Variants in PHIP observed in about 807,000 individuals in gnomAD.
The protein encoded by PHIP is PH-interacting protein.
PHIP carries 54 observed loss-of-function variants against 236.8 expected under a neutral mutation model. That is an observed-to-expected ratio of 0.23 (90% CI 0.18 to 0.29). The LOEUF (loss-of-function observed/expected upper bound fraction) is 0.29, where lower values mean the gene tolerates loss of function less well. Ranked by LOEUF, PHIP falls within the 10% of genes least tolerant of loss-of-function variation. The pLI, the probability that PHIP is intolerant of heterozygous loss-of-function variation, is 1.00. For missense variants in PHIP, 1,370 were observed against 2,190.8 expected (o/e 0.63, Z 7.48); for synonymous variants, 756 against 718.9 (o/e 1.05, Z -0.83).
At chr6:78,948,627 G>A (rs543741992) in intron 35 of PHIP, among the ~76,000 whole-genome samples, 10 of 151,882 alleles carry the variant, frequency 6.6e-5, no homozygotes, top group East Asian at 1.9e-4. Context: ...CTCAAGTAGC[G>A]GGGACTACAG....
intron 14 of PHIP, 44 bp from the exon 15 acceptor site, chr6:79,015,260 A>G (rs2127740607): frequency 1.4e-6 from 2 of 1,477,850 alleles, no homozygotes; most frequent in Non-Finnish European, 1.9e-6. Flanking sequence ...ATATTAAAAA[A>G]GAAAGAAAAA....
In PHIP at chr6:79,015,659, A is replaced by G. The variant is rs762450258; in HGVS notation, c.1360T>C (p.Tyr454His). Residue 454 changes from tyrosine (Y) to histidine (H), a missense_variant, in exon 14 of 40, where the codon TAC (tyrosine) becomes CAC (histidine). This residue lies in a region of PHIP where 188 missense variants were observed against 354.3 expected (regional missense o/e 0.53). Transcript: ENST00000275034. ...NNMTLKVWNS[Y>H]TGQLIHVLMG... ...AGGACATGAATTAGTTGACCAGTGT[A>G]AGAATTCCAAACTTTCAGAGTCATG... 6.2e-7 allele frequency: 1 copy of G among 1,608,394 alleles called. No individual in the cohort carries two copies. Among genetic ancestry groups the G allele is most frequent in the Non-Finnish European group, 8.5e-7 (1 of 1,176,306 alleles).
chr6:79,053,812 T>C (rs1045957205), intron 6 of PHIP, among the ~76,000 whole-genome samples: 2 of 152,196 alleles, frequency 1.3e-5, no homozygotes, highest in African/African-American at 4.8e-5. Context: ...GGAAAATGGC[T>C]AGTGATTCCT....
intron 35 of PHIP, among the ~76,000 whole-genome samples, chr6:78,948,644 G>A (rs375398611): frequency 5.9e-5 from 9 of 152,098 alleles, no homozygotes; most frequent in Non-Finnish European, 5.9e-5. Flanking sequence ...ACAGGCAGGC[G>A]CTACCACACC....
intron 15 of PHIP, among the ~76,000 whole-genome samples, chr6:79,012,684 C>T (rs1435471572): frequency 6.6e-6 from 1 of 151,472 alleles, no homozygotes; most frequent in Non-Finnish European, 1.5e-5. Context: ...TAATTATAGC[C>T]AAAACTCAAC....
rs1773448434 is a variant in PHIP at position 78,940,566 on chromosome 6, T to TTTTC, written c.*126_*127insGAAA. 5.1e-6 allele frequency: 1 copy of TTTTC among 196,064 alleles called. No individual in the cohort carries two copies. Among genetic ancestry groups the TTTTC allele is most frequent in the Non-Finnish European group, 1.0e-5 (1 of 99,822 alleles). The allele number at this position is 196,064 out of a possible 1,614,324, so 12.1% of individuals were successfully genotyped here. A position where few individuals can be genotyped will look rare whatever the true frequency, so the allele number is the denominator to read the frequency against. Reference sequence around the variant, plus strand: ...TAAGTTTGTTTTTTTTTTTTTTTTTTTTTTTGCAAATCAAATCATAACATT... The same window carrying TTTTC: ...TAAGTTTGTTTTTTTTTTTTTTTTTTTTTCTTTTTGCAAATCAAATCATAACATT... On this transcript the variant is annotated 3_prime_UTR_variant, in exon 40 of 40. Transcript: ENST00000275034.
chr6:79,049,656 T>C (rs1772686882), intron 6 of PHIP, among the ~76,000 whole-genome samples: 1 of 152,152 alleles, frequency 6.6e-6, no homozygotes, highest in South Asian at 2.1e-4. Flanking sequence ...AACTTAAGAG[T>C]ACATGAAAAC....
At chr6:79,060,343 AT>A (rs1486305351) in intron 6 of PHIP, 134 bp downstream of exon 6, 2 of 558,186 alleles carry the variant, frequency 3.6e-6, no homozygotes, top group East Asian at 5.9e-5. Context: ...AAGAAAAAAA[AT>A]CTATTTTTTT....
At chr6:78,953,577 T>C (rs1459683858) in intron 35 of PHIP, among the ~76,000 whole-genome samples, 1 of 152,086 alleles carries the variant, frequency 6.6e-6, no homozygotes, top group Non-Finnish European at 1.5e-5. Flanking sequence ...AAAGGTGAGG[T>C]TCTAATTAGC....
chr6:79,016,010 T>A (rs1287302851), intron 13 of PHIP, among the ~76,000 whole-genome samples: 1 of 151,886 alleles, frequency 6.6e-6, no homozygotes, highest in Non-Finnish European at 1.5e-5. Flanking sequence ...TAAGATGATC[T>A]TGCATAAATA....
At chr6:78,955,180 A>T in intron 34 of PHIP, 52 bp downstream of exon 34, 2 of 1,239,126 alleles carry the variant, frequency 1.6e-6, no homozygotes, top group South Asian at 1.3e-5. Context: ...GAAAGCTCTT[A>T]ATACATTTTA....
chr6:79,012,207 A>G (rs1395493707), intron 15 of PHIP, among the ~76,000 whole-genome samples: 1 of 151,710 alleles, frequency 6.6e-6, no homozygotes, highest in Non-Finnish European at 1.5e-5. Context: ...TTTCCAATGG[A>G]AAATTCAATT....
chr6:78,964,893 G>A (rs1767033036), intron 29 of PHIP, among the ~76,000 whole-genome samples: 3 of 152,020 alleles, frequency 2.0e-5, no homozygotes, highest in South Asian at 2.1e-4. Flanking sequence ...TTAAAATCTC[G>A]ACAATATCCT....
At chr6:79,026,693 T>C (rs1345057354) in intron 7 of PHIP, among the ~76,000 whole-genome samples, 1 of 152,008 alleles carries the variant, frequency 6.6e-6, no homozygotes, top group Non-Finnish European at 1.5e-5. Context: ...TAAAAATACA[T>C]AATTACTTGT....
chr6:78,969,898 C>T lies in PHIP; in HGVS notation c.3142G>A (p.Val1048Ile). ...TGTCTCAAGACTAGGAAATCTATAA[C>T]GTCAGGCATATCATGGTATCTAATT... ...FTMKYHDMPD[V>I]IDFLVLRQQF... is the part of the protein sequence containing the mutation. The change falls in exon 27 of 40, where the codon GTT (valine) becomes ATT (isoleucine). Residue 1048 changes from valine to isoleucine, a missense_variant. Val to Ile is a conservative substitution (Grantham distance 29, BLOSUM62 3). This residue lies in a region of PHIP where 238 missense variants were observed against 398.5 expected (regional missense o/e 0.60). Coordinates refer to ENST00000275034, the MANE Select transcript of PHIP (RefSeq NM_017934.7). The T allele has an allele frequency of 6.2e-7, 1 of 1,600,252 alleles. No homozygotes were observed. Among genetic ancestry groups the T allele is most frequent in the Non-Finnish European group, 8.6e-7 (1 of 1,169,588 alleles).
chr6:79,020,305 A>G (rs988402444), intron 9 of PHIP, among the ~76,000 whole-genome samples: 2 of 152,194 alleles, frequency 1.3e-5, no homozygotes, highest in Non-Finnish European at 2.9e-5. Context: ...GAATTTAAAA[A>G]ATAAGTTTGT....
At chr6:78,991,178 T>C (rs1431724335) in intron 19 of PHIP, among the ~76,000 whole-genome samples, 193 bp from the exon 20 acceptor site, 1 of 152,188 alleles carries the variant, frequency 6.6e-6, no homozygotes, top group Admixed American at 6.5e-5. Flanking sequence ...ACTGAAATAA[T>C]GGAAAGACAA....
At chr6:78,986,471 C>A (rs547224137) in intron 21 of PHIP, among the ~76,000 whole-genome samples, 1 of 152,308 alleles carries the variant, frequency 6.6e-6, no homozygotes, top group South Asian at 2.1e-4. Flanking sequence ...TTGGGCTTGA[C>A]AATGCACTAT....
intron 6 of PHIP, among the ~76,000 whole-genome samples, chr6:79,055,153 C>T (rs760627834): frequency 6.8e-4 from 103 of 152,004 alleles, no homozygotes; most frequent in Non-Finnish European, 1.4e-3. Flanking sequence ...TTAGGCAAAA[C>T]ACCAAAAACG....
Sources: allele counts gnomAD v4.1 joint callset (sites outside exome capture counted in the v4.1 genomes callset), GRCh38; gene constraint gnomAD v4.1.1; regional missense constraint gnomAD v4.1.1; transcripts MANE v1.5; gene names NCBI Gene and HGNC (gene_info 2026-07-23, HGNC 2026-07-21).